SSPN: variants seen among roughly 807,000 people sequenced by gnomAD.
The protein encoded by SSPN is sarcospan, also known as K-ras oncogene-associated protein.
In SSPN, 15 loss-of-function variants were observed where a neutral mutation model predicts 19.1. That is an observed-to-expected ratio of 0.78 (90% confidence interval 0.52 to 1.21). The LOEUF (loss-of-function observed/expected upper bound fraction) is 1.21, where lower values mean the gene tolerates loss of function less well. Ranked by LOEUF, SSPN falls within the 50% of genes most tolerant of loss-of-function variation. SSPN has a pLI of 0.00. For missense variants in SSPN, 291 were observed against 314.0 expected (o/e 0.93, Z 0.55); for synonymous variants, 147 against 140.3 (o/e 1.05, Z -0.34).
intron 1 of SSPN, among the ~76,000 whole-genome samples, chr12:26,160,428 C>T (rs1027777916): frequency 6.6e-6 from 1 of 152,190 alleles, no homozygotes; most frequent in African/African-American, 2.4e-5. Flanking sequence ...AATCTGAACA[C>T]ACAAATAACA....
At chr12:26,200,964 A>C in intron 1 of SSPN, among the ~76,000 whole-genome samples, 1 of 145,218 alleles carries the variant, frequency 6.9e-6, no homozygotes, top group Non-Finnish European at 1.5e-5. Context: ...TAGTAAGTAT[A>C]AAAATGGAAT....
intron 1 of SSPN, among the ~76,000 whole-genome samples, chr12:26,153,326 TATC>T (rs1344250975): frequency 6.6e-6 from 1 of 152,238 alleles, no homozygotes. Context: ...CTGCTAATAT[TATC>T]ATCATCATTT....
At chr12:26,229,952 G>T (rs979154499) in intron 2 of SSPN, among the ~76,000 whole-genome samples, 1 of 152,306 alleles carries the variant, frequency 6.6e-6, no homozygotes, top group Non-Finnish European at 1.5e-5. Context: ...GCAGCAGAGC[G>T]AGAACTTTAA....
At chr12:26,125,354 T>C (rs1285624919) in intron 1 of SSPN, 1 of 227,330 alleles carries the variant, frequency 4.4e-6, no homozygotes, top group Non-Finnish European at 8.8e-6. Flanking sequence ...CTCCCTGGGT[T>C]CGTCCGTTGT....
At chr12:26,201,031 A>ATTATATATATATATAATATATATATAT (rs1555179556) in intron 1 of SSPN, among the ~76,000 whole-genome samples, 700 of 60,434 alleles carry the variant, frequency 0.012, 12 homozygotes, top group African/African-American at 0.047. Context: ...ATATATATAT[A>ATTATATATATATATAATATATATATAT]TATATATATA....
At chr12:26,180,700 G>A (rs962151199) in intron 1 of SSPN, 9 of 152,190 alleles carry the variant, frequency 5.9e-5, no homozygotes, top group Non-Finnish European at 8.8e-5. Context: ...AACTTGAACA[G>A]TACTTGAGAT....
chr12:26,160,146 G>A (rs1191365060), intron 1 of SSPN, among the ~76,000 whole-genome samples: 2 of 152,202 alleles, frequency 1.3e-5, no homozygotes, highest in Admixed American at 1.3e-4. Flanking sequence ...GGTTGGAGCA[G>A]GCACTGCACT....
At chr12:26,184,114 G>A (rs1259649823) in intron 1 of SSPN, among the ~76,000 whole-genome samples, 1 of 152,124 alleles carries the variant, frequency 6.6e-6, no homozygotes, top group Non-Finnish European at 1.5e-5. Context: ...ACTTGTGAGG[G>A]GTGGCAGTCA....
chr12:26,143,260 A>T (rs1944470961), intron 1 of SSPN, among the ~76,000 whole-genome samples: 1 of 152,362 alleles, frequency 6.6e-6, no homozygotes, highest in Middle Eastern at 3.4e-3. Context: ...GTAGTGTATC[A>T]TCTTAATATA....
At chr12:26,132,707 T>C (rs921060256) in intron 1 of SSPN, among the ~76,000 whole-genome samples, 2 of 152,230 alleles carry the variant, frequency 1.3e-5, no homozygotes, top group African/African-American at 4.8e-5. Flanking sequence ...ACAATTTCAC[T>C]GTATGGCTCC....
chr12:26,232,309 T>G lies in SSPN; in HGVS notation c.*1233T>G. ...TGACTTGGAGGGTAGTTTTAGTTGT[T>G]TTGTTTTTAAGTGACTGTGGTTTAA... On this transcript the variant is annotated 3_prime_UTR_variant, in exon 3 of 3. Transcript: ENST00000242729. 1 of 985,450 alleles carries G rather than the reference T, an allele frequency of 1.0e-6. No individual in the cohort carries two copies. The highest frequency in any genetic ancestry group is 1.2e-6 in the Non-Finnish European group (1 of 829,930). 61.0% of individuals were successfully genotyped at this position (985,450 alleles called of 1,614,324 possible). A position where few individuals can be genotyped will look rare whatever the true frequency, so the allele number is the denominator to read the frequency against.
intron 1 of SSPN, among the ~76,000 whole-genome samples, chr12:26,133,329 A>G (rs1392046580): frequency 6.6e-6 from 1 of 152,086 alleles, no homozygotes; most frequent in Non-Finnish European, 1.5e-5. Context: ...TCCAATTAAT[A>G]ACAATATCTG....
At chr12:26,131,506 A>G (rs1324044131) in intron 1 of SSPN, among the ~76,000 whole-genome samples, 2 of 152,236 alleles carry the variant, frequency 1.3e-5, no homozygotes, top group African/African-American at 4.8e-5. Context: ...CCTTGAATGC[A>G]TCTAGGATTT....
At chr12:26,165,102 C>T (rs2137427943) in intron 1 of SSPN, among the ~76,000 whole-genome samples, 1 of 152,220 alleles carries the variant, frequency 6.6e-6, no homozygotes, top group Non-Finnish European at 1.5e-5. Context: ...AATTTTTGAA[C>T]TAGTATTTTT....
intron 1 of SSPN, among the ~76,000 whole-genome samples, chr12:26,187,940 T>G (rs148884046): frequency 2.0e-5 from 3 of 152,102 alleles, no homozygotes; most frequent in African/African-American, 7.2e-5. Flanking sequence ...CGAAGAGAAA[T>G]TGCACAGAAA....
At position 26,140,652 on chromosome 12, in the gene SSPN, G is replaced by T. The variant is rs1375165160; in HGVS notation, c.-31+18500G>T. Among the ~76,000 whole-genome samples, 3 of 152,238 alleles carry T rather than the reference G, an allele frequency of 2.0e-5. No individual in the cohort carries two copies. In the East Asian group the frequency reaches 5.8e-4, roughly 29 times the overall value. On this transcript the variant is annotated intron_variant, in intron 1 of 2. Coordinates refer to the SSPN transcript ENST00000538142. ...ATGAGATCTGGCTGTTTAAAATTGT[G>T]TAGCACCTTCCCCTTCACTCTCTTC...
At chr12:26,183,875 A>C (rs1237992175) in intron 1 of SSPN, among the ~76,000 whole-genome samples, 1 of 152,234 alleles carries the variant, frequency 6.6e-6, no homozygotes, top group Admixed American at 6.5e-5. Flanking sequence ...ATCACCCCAA[A>C]TTGTACTGCA....
At chr12:26,196,092 C>G (rs552658566) in intron 1 of SSPN, 141 bp downstream of exon 1, 609 of 725,854 alleles carry the variant, frequency 8.4e-4, no homozygotes, top group Non-Finnish European at 1.1e-3. Flanking sequence ...GTGACTGATG[C>G]GTGGGGCACT....
intron 1 of SSPN, chr12:26,123,726 C>G: frequency 6.2e-7 from 1 of 1,612,962 alleles, no homozygotes; most frequent in Non-Finnish European, 8.5e-7. Context: ...ACAGCTTTCT[C>G]CAGATGTCCC....
Sources: allele counts gnomAD v4.1 joint callset (sites outside exome capture counted in the v4.1 genomes callset), GRCh38; gene constraint gnomAD v4.1.1; transcripts MANE v1.5; gene names NCBI Gene and HGNC (gene_info 2026-07-23, HGNC 2026-07-21).